ATM: variants seen among roughly 807,000 people sequenced by gnomAD.
ATM encodes serine-protein kinase ATM.
In ATM, 308 loss-of-function variants were observed where a neutral mutation model predicts 387.0. That is an observed-to-expected ratio of 0.80 (90% CI 0.73 to 0.87). ATM has a LOEUF of 0.87. ATM is among the 40% of genes least tolerant of loss of function. The pLI, the probability that ATM is intolerant of heterozygous loss-of-function variation, is 0.00. For missense variants in ATM, 3,312 were observed against 3,560.9 expected, an observed-to-expected ratio of 0.93 and a Z score of 1.78; for synonymous variants, 1,156 against 1,187.3, an observed-to-expected ratio of 0.97 and a Z score of 0.54.
chr11:108,277,353 C>T (rs553108758), intron 22 of ATM, among the ~76,000 whole-genome samples: 1 of 152,156 alleles, frequency 6.6e-6, no homozygotes, highest in Non-Finnish European at 1.5e-5. Context: ...CTGGCTTCAG[C>T]CCCCTTTCTA....
In ATM at chr11:108,289,107, A is replaced by G; in HGVS notation, c.4236+4A>G. 6.2e-7 allele frequency: 1 copy of G among 1,606,054 alleles called. No homozygotes were observed. On this transcript the variant is annotated splice_donor_region_variant and intron_variant, in intron 28 of 62. Coordinates refer to ENST00000675843, the MANE Select transcript of ATM (RefSeq NM_000051.4). ...AGAAATTCTTTCCAAAAGCCCTGTAAGTATACATGATGAGTTTAATAATAG... is the reference window on the plus strand; with the variant it reads ...AGAAATTCTTTCCAAAAGCCCTGTAGGTATACATGATGAGTTTAATAATAG...
intron 29 of ATM, among the ~76,000 whole-genome samples, chr11:108,292,144 C>T (rs2082828479): frequency 6.6e-6 from 1 of 152,168 alleles, no homozygotes; most frequent in African/African-American, 2.4e-5. Context: ...TTAGAATAGA[C>T]ATATACAATA....
intron 56 of ATM, chr11:108,340,023 T>G (rs1370690677): frequency 6.6e-6 from 1 of 152,216 alleles, no homozygotes; most frequent in Non-Finnish European, 1.5e-5. Flanking sequence ...AGTAAAACAT[T>G]GCCCTAGTCC....
chr11:108,236,115 A>T (rs1442683936), intron 5 of ATM: 1 of 435,748 alleles, frequency 2.3e-6, no homozygotes, highest in East Asian at 4.7e-5. Context: ...GCAGAAGAAA[A>T]CCCAAGTAAA....
intron 5 of ATM, among the ~76,000 whole-genome samples, chr11:108,242,450 G>C (rs917890007): frequency 6.6e-6 from 1 of 152,114 alleles, no homozygotes; most frequent in Non-Finnish European, 1.5e-5. Flanking sequence ...AGGGTAGTTA[G>C]ACAAGAAAAA....
rs749158400 is a variant in ATM at position 108,287,726 on chromosome 11, T to C, written c.4109+11T>C. On this transcript the variant is annotated intron_variant, in intron 27 of 62. Transcript: ENST00000675843. Reference sequence around the variant, plus strand: ...CTGTGACTTTTCAGGGTATGTACATTTTAAACTTAGAGAACTAGCTCTAAC... The same window carrying C: ...CTGTGACTTTTCAGGGTATGTACATCTTAAACTTAGAGAACTAGCTCTAAC... 16 of 1,588,474 alleles carry C rather than the reference T, an allele frequency of 1.0e-5. No individual in the cohort carries two copies. The highest frequency in any genetic ancestry group is 1.4e-5 in the Non-Finnish European group (16 of 1,157,300).
intron 60 of ATM, 151 bp from the exon 61 acceptor site, chr11:108,354,660 C>T (rs544853323): frequency 2.7e-6 from 2 of 750,680 alleles, no homozygotes; most frequent in East Asian, 2.5e-5. Context: ...AATGAAAGCC[C>T]ACTCTGCCAA....
chr11:108,272,687 C>G (rs974158481), intron 21 of ATM, 35 bp from the exon 22 acceptor site: 6 of 1,613,252 alleles, frequency 3.7e-6, no homozygotes, highest in Non-Finnish European at 4.2e-6. Context: ...TAATTTTTCT[C>G]TATTTCATAT....
intron 15 of ATM, 88 bp downstream of exon 15, chr11:108,257,694 A>T (rs2080594800): frequency 8.9e-6 from 12 of 1,347,552 alleles, no homozygotes; most frequent in African/African-American, 2.9e-5. Flanking sequence ...GTCACAACTC[A>T]TTGTAGCCTT....
chr11:108,343,830 T>G (rs1205850729), intron 57 of ATM, among the ~76,000 whole-genome samples: 2 of 152,066 alleles, frequency 1.3e-5, no homozygotes, highest in African/African-American at 4.8e-5. Context: ...ATGAAGTAAT[T>G]TTTTATGAAA....
At position 108,308,177 on chromosome 11, in the gene ATM, C is replaced by T. The variant is rs1033307747; in HGVS notation, c.5762+193C>T. The T allele has an allele frequency of 2.1e-5, 13 of 613,178 alleles. No homozygotes were observed. In the Admixed American group the frequency reaches 2.9e-4, roughly 14 times the overall value. 38.0% of individuals were successfully genotyped at this position (613,178 alleles called of 1,614,324 possible). A position where few individuals can be genotyped will look rare whatever the true frequency, so the allele number is the denominator to read the frequency against. On this transcript the variant is annotated intron_variant, in intron 38 of 62. Coordinates refer to ENST00000675843, the MANE Select transcript of ATM (RefSeq NM_000051.4). ...TGGTTAAATCAGTGTCAAGAACTCT[C>T]AATTCTAGTACCAGCTGTACCAGTA...
At position 108,227,628 on chromosome 11, in the gene ATM, A is replaced by G. The variant is rs1591445677; in HGVS notation, c.4A>G (p.Ser2Gly). Residue 2 changes from serine to glycine, a missense_variant, in exon 2 of 63, where the codon AGT becomes GGT. Around this residue, in one of 4 missense-constraint regions of ATM, gnomAD observed 1,791 missense variants for 1,804.5 expected, o/e 0.99. Coordinates refer to ENST00000675843, the MANE Select transcript of ATM (RefSeq NM_000051.4). The part of the protein sequence containing the change: M[S>G]LVLNDLLICC... ...GTGTGTTCTGAAATTGTGAACCATGAGTCTAGTACTTAATGATCTGCTTAT... is the reference window on the plus strand; with the variant it reads ...GTGTGTTCTGAAATTGTGAACCATGGGTCTAGTACTTAATGATCTGCTTAT... The G allele has an allele frequency of 1.2e-6, 2 of 1,613,596 alleles. No homozygotes were observed. The highest frequency in any genetic ancestry group is 1.3e-5 in the African/African-American group (1 of 74,984).
intron 56 of ATM, among the ~76,000 whole-genome samples, chr11:108,340,804 A>G (rs1209964935): frequency 1.3e-5 from 2 of 152,194 alleles, no homozygotes; most frequent in African/African-American, 2.4e-5. Flanking sequence ...CCTATAACCT[A>G]TGAACCTCCT....
chr11:108,292,329 A>G (rs1421261625), intron 29 of ATM, among the ~76,000 whole-genome samples: 4 of 152,078 alleles, frequency 2.6e-5, no homozygotes. Context: ...TTGATTCAAT[A>G]TTTTCCTGAT....
intron 22 of ATM, among the ~76,000 whole-genome samples, chr11:108,274,346 TG>T (rs969710212): frequency 7.4e-4 from 25 of 33,766 alleles, no homozygotes; most frequent in Non-Finnish European, 1.4e-3. Context: ...AGGTTTTTTT[TG>T]TGTGTGTGTG....
intron 8 of ATM, among the ~76,000 whole-genome samples, chr11:108,247,682 C>T (rs2079921687): frequency 6.6e-6 from 1 of 152,100 alleles, no homozygotes; most frequent in South Asian, 2.1e-4. Context: ...TGCAACCTCC[C>T]TTTCCCGGGT....
Position 108,229,371 on chromosome 11 carries a change from C to T in ATM, c.331+48C>T, listed in dbSNP as rs56324032. 1.3e-3 allele frequency: 1,855 copies of T among 1,419,986 alleles called. 4 individuals carry two copies. Among genetic ancestry groups the T allele is most frequent in the East Asian group, 2.2e-3 (87 of 40,196 alleles). The allele number at this position is 1,419,986 out of a possible 1,614,324, so 88.0% of individuals were successfully genotyped here. On this transcript the variant is annotated intron_variant, in intron 4 of 62. Transcript: ENST00000675843. ...AATAAATGGCTTAACAGATTACTGT[C>T]GCGTGAGTTTTTTTTTTTTTTCAGA...
intron 61 of ATM, chr11:108,356,241 G>T (rs1221661081): frequency 6.6e-6 from 1 of 152,054 alleles, no homozygotes; most frequent in Non-Finnish European, 1.5e-5. Context: ...ACTTTTTCAT[G>T]TAAGAAAAAG....
chr11:108,329,667 G>A (rs971115644), intron 49 of ATM, among the ~76,000 whole-genome samples: 1 of 152,038 alleles, frequency 6.6e-6, no homozygotes, highest in Non-Finnish European at 1.5e-5. Context: ...CACCTTGGCC[G>A]CCCAAAGTGC....
Sources: gnomAD v4.1 joint callset for allele counts (sites outside exome capture counted in the v4.1 genomes callset) on GRCh38, gnomAD v4.1.1 for gene constraint, gnomAD v4.1.1 regional missense constraint, MANE v1.5 for transcripts, NCBI Gene and HGNC (gene_info 2026-07-23, HGNC 2026-07-21) for gene names.